The following NEDD4L variants were observed in gnomAD, a reference collection of about 807,000 sequenced individuals.
NEDD4L encodes the protein E3 ubiquitin-protein ligase NEDD4-like.
NEDD4L carries 54 observed loss-of-function variants against 148.9 expected under a neutral mutation model. That is an observed-to-expected ratio of 0.36 (90% CI 0.29 to 0.45). The LOEUF is 0.45. Among genes scored for constraint, NEDD4L ranks in the 20% least tolerant of loss-of-function variants. The probability of loss-of-function intolerance (pLI) is 1.00; values close to 1 mark genes in which losing one functional copy is unlikely to be tolerated. For synonymous variants in NEDD4L, 433 were observed against 440.7 expected, an observed-to-expected ratio of 0.98 and a Z score of 0.22; for missense variants, 856 against 1,233.8, an observed-to-expected ratio of 0.69 and a Z score of 4.59.
chr18:58,297,587 G>A (rs964945539), intron 5 of NEDD4L, among the ~76,000 whole-genome samples: 2 of 152,128 alleles, frequency 1.3e-5, no homozygotes, highest in African/African-American at 2.4e-5. Context: ...TCCCAAATAG[G>A]AGACTTTGTA....
At chr18:58,338,664 C>T (rs2042064869) in intron 13 of NEDD4L, among the ~76,000 whole-genome samples, 1 of 152,124 alleles carries the variant, frequency 6.6e-6, no homozygotes, top group Admixed American at 6.5e-5. Flanking sequence ...ACTGGTAATC[C>T]CAGCACTTTG....
chr18:58,245,565 A>C (rs2047150854), intron 3 of NEDD4L, 57 bp downstream of exon 3: 4 of 932,720 alleles, frequency 4.3e-6, no homozygotes, highest in Non-Finnish European at 5.1e-6. Context: ...CCAATTATGC[A>C]CAGTCATGTG....
chr18:58,212,214 C>T (rs950505058), intron 2 of NEDD4L, among the ~76,000 whole-genome samples: 7 of 152,156 alleles, frequency 4.6e-5, no homozygotes, highest in African/African-American at 1.7e-4. Context: ...GCAGCCTTGA[C>T]CTCCCAGACT....
intron 9 of NEDD4L, among the ~76,000 whole-genome samples, chr18:58,327,524 A>G (rs1490646449): frequency 6.6e-6 from 1 of 152,254 alleles, no homozygotes. Flanking sequence ...ACACAGCAGA[A>G]CTTGGCAGAA....
intron 7 of NEDD4L, 22 bp downstream of exon 7, chr18:58,322,508 G>T: frequency 1.5e-6 from 2 of 1,350,548 alleles, no homozygotes; most frequent in East Asian, 2.4e-5. Flanking sequence ...GGGTATGGGT[G>T]GGTGGGGATG....
chr18:58,355,535 A>G (rs1266591208), intron 18 of NEDD4L, among the ~76,000 whole-genome samples: 1 of 152,174 alleles, frequency 6.6e-6, no homozygotes, highest in African/African-American at 2.4e-5. Flanking sequence ...TTTGATGACA[A>G]TATCCATTGA....
intron 1 of NEDD4L, among the ~76,000 whole-genome samples, chr18:58,047,855 T>C (rs187225826): frequency 9.7e-4 from 148 of 152,382 alleles, no homozygotes; most frequent in Non-Finnish European, 1.7e-3. Context: ...AGTTTACTTA[T>C]GAATGTTACC....
intron 5 of NEDD4L, among the ~76,000 whole-genome samples, chr18:58,313,797 T>C (rs565227592): frequency 6.6e-6 from 1 of 152,360 alleles, no homozygotes; most frequent in African/African-American, 2.4e-5. Flanking sequence ...TTAACCTGTT[T>C]TATCAGTTTA....
At chr18:58,236,280 C>G (rs2046005440) in intron 2 of NEDD4L, among the ~76,000 whole-genome samples, 2 of 151,846 alleles carry the variant, frequency 1.3e-5, no homozygotes, top group South Asian at 2.1e-4. Context: ...TCGCTTGAGC[C>G]CAGGAGGTCG....
At chr18:58,211,685 T>C (rs497254) in intron 2 of NEDD4L, among the ~76,000 whole-genome samples, 68,662 of 152,044 alleles carry the variant, frequency 0.45, 17,201 homozygotes, top group African/African-American at 0.68. Context: ...AAGACAAATA[T>C]GGAAAAGAAA....
intron 1 of NEDD4L, among the ~76,000 whole-genome samples, chr18:58,082,097 TA>T (rs1173285329): frequency 0.01 from 1,037 of 100,210 alleles, 45 homozygotes; most frequent in African/African-American, 0.051. Context: ...TATATATATA[TA>T]TATATTTTTT....
intron 6 of NEDD4L, among the ~76,000 whole-genome samples, chr18:58,321,881 C>T (rs1191442828): frequency 6.6e-6 from 1 of 152,198 alleles, no homozygotes; most frequent in Non-Finnish European, 1.5e-5. Context: ...AAATACTCCA[C>T]TTGTACTCAT....
At chr18:58,172,192 G>T (rs141770553) in intron 2 of NEDD4L, among the ~76,000 whole-genome samples, 1 of 152,286 alleles carries the variant, frequency 6.6e-6, no homozygotes, top group Non-Finnish European at 1.5e-5. Flanking sequence ...GAGAGGTACA[G>T]GTGGCAAGGC....
Position 58,171,401 on chromosome 18 carries a change from G to A in NEDD4L, c.122+5540G>A, listed in dbSNP as rs187597537. Among the ~76,000 whole-genome samples the A allele has an allele frequency of 6.3e-5, 6 of 94,556 alleles. 1 individual carries two copies. Among genetic ancestry groups the A allele is most frequent in the African/African-American group, 4.0e-4 (6 of 15,156 alleles). 62.0% of individuals were successfully genotyped at this position (94,556 alleles called of 152,430 possible). On this transcript the variant is annotated intron_variant, in intron 2 of 30. Coordinates refer to ENST00000400345, the MANE Select transcript of NEDD4L (RefSeq NM_001144967.3). ...CCAAGGGGACAGGACACTGCTGCCC[G>A]CCTCATCACCCCAGCCCAAGAGGAC... is the stretch of plus-strand genomic sequence containing the variant.
rs2081482054 is a variant in NEDD4L, at chr18:58,044,484, G to A, written c.-177G>A. On this transcript the variant is annotated 5_prime_UTR_variant, in exon 1 of 31. Coordinates refer to ENST00000400345, the MANE Select transcript of NEDD4L (RefSeq NM_001144967.3). ...TCCGGGAGGAAGCGGTGCCGGCAGC[G>A]TCCAGGGCGCGCTCTCGGGCACCCT... 3 of 779,996 alleles carry A rather than the reference G, an allele frequency of 3.8e-6. No homozygotes were observed. The highest frequency in any genetic ancestry group is 5.2e-6 in the Non-Finnish European group (3 of 574,702). The allele number at this position is 779,996 out of a possible 1,614,324, so 48.3% of individuals were successfully genotyped here.
chr18:58,243,958 G>A (rs1293054215), intron 2 of NEDD4L, among the ~76,000 whole-genome samples: 2 of 152,004 alleles, frequency 1.3e-5, no homozygotes, highest in Non-Finnish European at 2.9e-5. Flanking sequence ...AAATACACAC[G>A]TGAACACACA....
chr18:58,245,190 G>C lies in NEDD4L; in HGVS notation c.123-237G>C, dbSNP rs78843982. Among the ~76,000 whole-genome samples, 4,751 of 152,210 alleles carry C rather than the reference G, an allele frequency of 0.031. 175 individuals carry two copies. The highest frequency in any genetic ancestry group is 0.15 in the East Asian group (788 of 5,180). On this transcript the variant is annotated intron_variant, in intron 2 of 30. Coordinates refer to ENST00000400345, the MANE Select transcript of NEDD4L (RefSeq NM_001144967.3). ...CTTTCTTGTAATCTTTTCAGACTCT[G>C]TCTTTAAAATTATATATATTTTTAG...
At chr18:58,180,023 A>C (rs1334931773) in intron 2 of NEDD4L, among the ~76,000 whole-genome samples, 1 of 152,120 alleles carries the variant, frequency 6.6e-6, no homozygotes, top group Admixed American at 6.5e-5. Context: ...AGCAGCGTCC[A>C]TATCTGCCCT....
At chr18:58,232,720 G>A (rs1373770982) in intron 2 of NEDD4L, among the ~76,000 whole-genome samples, 2 of 152,196 alleles carry the variant, frequency 1.3e-5, no homozygotes, top group Non-Finnish European at 2.9e-5. Context: ...TTCAAGAAGT[G>A]CAGCACTCAG....
Sources: gnomAD v4.1 joint callset for allele counts (sites outside exome capture counted in the v4.1 genomes callset) on GRCh38, gnomAD v4.1.1 for gene constraint, MANE v1.5 for transcripts, NCBI Gene and HGNC (gene_info 2026-07-23, HGNC 2026-07-21) for gene names.